Variants in ACYP2 observed in about 807,000 individuals in gnomAD.
ACYP2 encodes acylphosphatase 2.
Under a neutral mutation model 11.2 loss-of-function variants are expected in ACYP2, and 12 were observed. The ratio of observed to expected loss-of-function variants is 1.08; its 90% CI spans 0.69 to 1.74. The LOEUF is 1.74. ACYP2 is among the 40% of genes most tolerant of loss of function. The pLI, the probability that ACYP2 is intolerant of heterozygous loss-of-function variation, is 0.00. For missense variants in ACYP2, 134 were observed against 101.9 expected (o/e 1.31, Z -1.35); for synonymous variants, 43 against 32.2 (o/e 1.33, Z -1.13).
At chr2:54,217,160 T>A (rs952245322) in intron 6 of ACYP2, among the ~76,000 whole-genome samples, 3 of 152,212 alleles carry the variant, frequency 2.0e-5, no homozygotes, top group Admixed American at 1.3e-4. Flanking sequence ...TGTGGTGATA[T>A]CAGGGCTTCC....
At chr2:54,170,473 G>A (rs13423698) in intron 6 of ACYP2, among the ~76,000 whole-genome samples, 1,973 of 152,124 alleles carry the variant, frequency 0.013, 55 homozygotes, top group African/African-American at 0.045. Context: ...TTCTTTTAGC[G>A]TTTTGTGACA....
At chr2:54,304,601 T>C in intron 6 of ACYP2, 87 bp from the exon 4 acceptor site, 4 of 817,606 alleles carry the variant, frequency 4.9e-6, no homozygotes, top group Non-Finnish European at 5.8e-6. Flanking sequence ...AAAGGTAAAC[T>C]CCCATTAATA....
At chr2:54,206,324 G>T (rs999951434) in intron 6 of ACYP2, among the ~76,000 whole-genome samples, 2 of 152,182 alleles carry the variant, frequency 1.3e-5, no homozygotes, top group African/African-American at 4.8e-5. Flanking sequence ...ACCATGAATT[G>T]TAATTTAGAT....
chr2:54,146,112 G>C (rs1041265410), intron 6 of ACYP2, among the ~76,000 whole-genome samples: 3 of 152,222 alleles, frequency 2.0e-5, no homozygotes, highest in African/African-American at 7.2e-5. Flanking sequence ...CCTTGTGCTT[G>C]ACTGATTGAC....
intron 6 of ACYP2, among the ~76,000 whole-genome samples, chr2:54,165,811 T>A (rs1482169069): frequency 2.0e-5 from 3 of 152,078 alleles, no homozygotes; most frequent in East Asian, 3.8e-4. Flanking sequence ...GATGAAGGAA[T>A]CTTCTGGCGG....
chr2:54,028,165 C>A (rs1055226004), intron 2 of ACYP2, among the ~76,000 whole-genome samples: 4 of 152,034 alleles, frequency 2.6e-5, no homozygotes, highest in African/African-American at 9.7e-5. Flanking sequence ...TTTCTTTGGG[C>A]TACTCTTGGC....
intron 4 of ACYP2, among the ~76,000 whole-genome samples, chr2:54,117,873 A>T (rs1223699165): frequency 3.3e-5 from 5 of 152,184 alleles, no homozygotes; most frequent in African/African-American, 7.2e-5. Flanking sequence ...CCATCACCCA[A>T]GCAGTTTACA....
At chr2:54,097,896 C>T (rs1199473250) in intron 4 of ACYP2, among the ~76,000 whole-genome samples, 4 of 143,986 alleles carry the variant, frequency 2.8e-5, no homozygotes, top group African/African-American at 5.2e-5. Context: ...CCCCTCCCTC[C>T]CTCCTTCCTT....
At chr2:54,035,023 A>AAAAAAAAAAAAAAAAAAG (rs1674809478) in intron 2 of ACYP2, among the ~76,000 whole-genome samples, 1 of 137,858 alleles carries the variant, frequency 7.3e-6, no homozygotes, top group Non-Finnish European at 1.6e-5. Context: ...AAAAAAAAAA[A>AAAAAAAAAAAAAAAAAAG]AAAAAAAAAG....
chr2:54,147,994 G>A (rs1365652855), intron 6 of ACYP2, among the ~76,000 whole-genome samples: 1 of 152,056 alleles, frequency 6.6e-6, no homozygotes, highest in Non-Finnish European at 1.5e-5. Flanking sequence ...GATGGTTACT[G>A]GCCTTAGTTC....
chr2:54,020,919 G>C (rs1673974311), intron 2 of ACYP2, among the ~76,000 whole-genome samples: 1 of 152,160 alleles, frequency 6.6e-6, no homozygotes, highest in Non-Finnish European at 1.5e-5. Flanking sequence ...TAAATTTTCA[G>C]TGCCACAAAG....
chr2:54,277,071 G>A (rs1181544600), intron 6 of ACYP2, among the ~76,000 whole-genome samples: 2 of 152,108 alleles, frequency 1.3e-5, no homozygotes, highest in East Asian at 1.9e-4. Context: ...TTCCTGTTAC[G>A]TACAATGCTG....
intron 6 of ACYP2, among the ~76,000 whole-genome samples, chr2:54,187,916 G>A (rs1281872896): frequency 2.0e-5 from 3 of 152,180 alleles, no homozygotes; most frequent in African/African-American, 7.2e-5. Context: ...AAGGGTGTGT[G>A]GGAATGGGCT....
intron 5 of ACYP2, among the ~76,000 whole-genome samples, chr2:54,138,115 T>C (rs947651037): frequency 3.3e-5 from 5 of 152,222 alleles, no homozygotes; most frequent in Non-Finnish European, 5.9e-5. Flanking sequence ...GCCTACTTTT[T>C]AATGGGGTTG....
At chr2:54,165,086 A>G (rs1283814248) in intron 6 of ACYP2, among the ~76,000 whole-genome samples, 1 of 151,994 alleles carries the variant, frequency 6.6e-6, no homozygotes, top group Non-Finnish European at 1.5e-5. Flanking sequence ...TATATGTGCT[A>G]TATTTTTTTT....
At chr2:53,995,887 C>G (rs1317829582) in intron 2 of ACYP2, among the ~76,000 whole-genome samples, 2 of 151,410 alleles carry the variant, frequency 1.3e-5, no homozygotes, top group African/African-American at 4.9e-5. Flanking sequence ...AATCCCAGCA[C>G]GTGGGGAGGC....
At position 54,063,689 on chromosome 2, in the gene ACYP2, T is replaced by G. The variant is rs1233842085; in HGVS notation, c.277+6329T>G. Among the ~76,000 whole-genome samples the G allele has an allele frequency of 4.6e-5, 7 of 152,392 alleles. No individual in the cohort carries two copies. In the East Asian group the frequency reaches 1.3e-3, roughly 29 times the overall value. Reference sequence around the variant, plus strand: ...AGATGAGGGGGTGTTAAAGGATTCCTGCTGTTGCTAGTTCAGAATGTTTCA... The same window carrying G: ...AGATGAGGGGGTGTTAAAGGATTCCGGCTGTTGCTAGTTCAGAATGTTTCA... On this transcript the variant is annotated intron_variant, in intron 4 of 6. Transcript: ENST00000607452.
At chr2:54,183,256 G>T (rs895774700) in intron 6 of ACYP2, among the ~76,000 whole-genome samples, 2 of 152,024 alleles carry the variant, frequency 1.3e-5, no homozygotes, top group Admixed American at 1.3e-4. Flanking sequence ...TACATGTCTG[G>T]GTGTTCTGAT....
At chr2:54,289,993 G>A (rs755616148) in intron 6 of ACYP2, among the ~76,000 whole-genome samples, 2 of 151,996 alleles carry the variant, frequency 1.3e-5, no homozygotes, top group Non-Finnish European at 2.9e-5. Flanking sequence ...TTTCCATCTA[G>A]CACATCTGTT....
Sources: gnomAD v4.1 joint callset for allele counts (sites outside exome capture counted in the v4.1 genomes callset) on GRCh38, gnomAD v4.1.1 for gene constraint, MANE v1.5 for transcripts, NCBI Gene and HGNC (gene_info 2026-07-23, HGNC 2026-07-21) for gene names.